DOCK4: variants seen among roughly 807,000 people sequenced by gnomAD.
DOCK4 encodes dedicator of cytokinesis protein 4.
A neutral mutation model predicts 268.1 loss-of-function variants in DOCK4; 97 were observed. That is an observed-to-expected ratio of 0.36 (90% CI 0.31 to 0.43). DOCK4 has a LOEUF of 0.43. Among genes scored for constraint, DOCK4 ranks in the 20% least tolerant of loss-of-function variants. DOCK4 has a pLI of 1.00. For missense variants in DOCK4, 2,145 were observed against 2,455.7 expected, an observed-to-expected ratio of 0.87 and a Z score of 2.67; for synonymous variants, 954 against 887.2, an observed-to-expected ratio of 1.08 and a Z score of -1.34.
rs527799133 is a variant in DOCK4, at chr7:112,175,158, C to T, written c.37+30944G>A. Among the ~76,000 whole-genome samples the T allele has an allele frequency of 3.9e-5, 6 of 152,048 alleles. No homozygotes were observed. In the South Asian group the frequency reaches 1.2e-3, roughly 32 times the overall value. ...GATTACAGGTGTGAGTCACCGCGCCCAGCCCCGTCCCCTGGAACATTTTTA... is the reference window on the plus strand; with the variant it reads ...GATTACAGGTGTGAGTCACCGCGCCTAGCCCCGTCCCCTGGAACATTTTTA... On this transcript the variant is annotated intron_variant, in intron 1 of 52. Coordinates refer to ENST00000428084, the MANE Select transcript of DOCK4 (RefSeq NM_001363540.2).
chr7:111,980,035 A>G (rs2135144972), intron 7 of DOCK4, among the ~76,000 whole-genome samples: 1 of 152,332 alleles, frequency 6.6e-6, no homozygotes, highest in African/African-American at 2.4e-5. Flanking sequence ...AGAATCACTG[A>G]TCAGGATCAT....
chr7:111,741,068 A>C, intron 47 of DOCK4, 26 bp downstream of exon 47: 1 of 1,613,086 alleles, frequency 6.2e-7, no homozygotes, highest in Non-Finnish European at 8.5e-7. Context: ...GAATAAACAC[A>C]ACCAGACAAA....
rs75204042 is a variant in DOCK4 at position 112,049,913 on chromosome 7, C to A, written c.38-45782G>T. ...TATTTGGAGACTTGGTGACTTAAAT[C>A]TGAATATTAGCTTCACCACTACTGA... On this transcript the variant is annotated intron_variant, in intron 1 of 52. Transcript: ENST00000428084. 5.1e-4 allele frequency among the ~76,000 whole-genome samples: 78 copies of A among 152,254 alleles called. No homozygotes were observed. In the East Asian group the frequency reaches 0.014, roughly 27 times the overall value.
At chr7:111,942,132 G>A (rs1010180296) in intron 10 of DOCK4, among the ~76,000 whole-genome samples, 2 of 152,138 alleles carry the variant, frequency 1.3e-5, no homozygotes, top group East Asian at 1.9e-4. Context: ...GGAAGGTAGT[G>A]GGAGTGGGGG....
intron 1 of DOCK4, among the ~76,000 whole-genome samples, chr7:112,161,439 CTAA>C (rs1253816102): frequency 1.3e-5 from 2 of 152,160 alleles, no homozygotes; most frequent in African/African-American, 2.4e-5. Flanking sequence ...CATGGAAAAC[CTAA>C]TAGAAAGCTA....
chr7:111,956,137 T>C (rs1029617548), intron 8 of DOCK4, among the ~76,000 whole-genome samples: 6 of 152,158 alleles, frequency 3.9e-5, no homozygotes, highest in African/African-American at 1.4e-4. Context: ...TTGTAAACAC[T>C]GTATCTTTGA....
intron 17 of DOCK4, among the ~76,000 whole-genome samples, chr7:111,874,782 C>T (rs956595891): frequency 2.0e-5 from 3 of 152,214 alleles, no homozygotes; most frequent in African/African-American, 7.2e-5. Context: ...TTCTGGCAGT[C>T]ACAGGTGCCC....
rs915760171 is a variant in DOCK4 at position 112,119,910 on chromosome 7, C to G, written c.37+86192G>C. Among the ~76,000 whole-genome samples the G allele has an allele frequency of 7.9e-5, 12 of 151,162 alleles. No individual in the cohort carries two copies. The East Asian group carries it at 1.8e-3, about 22-fold the overall frequency. On this transcript the variant is annotated intron_variant, in intron 1 of 52. Transcript: ENST00000428084. ...TCACCCAGGCTGGAGTGCAGTGGCG[C>G]GATCTCGGCTCACTGCAACCTTCGC... is the stretch of plus-strand genomic sequence containing the variant.
Position 111,782,741 on chromosome 7 carries a change from A to G in DOCK4, c.3585+123T>C, listed in dbSNP as rs1798866113. 3.7e-6 allele frequency: 4 copies of G among 1,068,226 alleles called. No homozygotes were observed. In the East Asian group the frequency reaches 9.6e-5, roughly 26 times the overall value. The allele number at this position is 1,068,226 out of a possible 1,614,324, so 66.2% of individuals were successfully genotyped here. A position where few individuals can be genotyped will look rare whatever the true frequency, so the allele number is the denominator to read the frequency against. On this transcript the variant is annotated intron_variant, in intron 35 of 52. Coordinates refer to ENST00000428084, the MANE Select transcript of DOCK4 (RefSeq NM_001363540.2). ...ATGCTTCTCTTAAAAACACTTGTAA[A>G]TTTAAAAATAACTCTTCTAAGAAAC...
At position 111,791,097 on chromosome 7, in the gene DOCK4, T is replaced by TATAA. The variant is rs1554593950; in HGVS notation, c.3167-496_3167-493dup. ...ATATATATATATATATATATATATATATAAAATAAATCATCAGGAATTGGT... is the reference window on the plus strand; with the variant it reads ...ATATATATATATATATATATATATATATAAATAAAATAAATCATCAGGAATTGGT... On this transcript the variant is annotated intron_variant, in intron 30 of 52. Coordinates refer to ENST00000428084, the MANE Select transcript of DOCK4 (RefSeq NM_001363540.2). 1.2e-4 allele frequency among the ~76,000 whole-genome samples: 17 copies of TATAA among 141,350 alleles called. No homozygotes were observed. The East Asian group carries it at 1.8e-3, about 15-fold the overall frequency. The allele number at this position is 141,350 out of a possible 152,430, so 92.7% of individuals were successfully genotyped here.
At position 111,997,041 on chromosome 7, in the gene DOCK4, A is replaced by C. The variant is rs911778243; in HGVS notation, c.218+1407T>G. The stretch of plus-strand genomic sequence containing the variant: ...GTTGCACAGGCTTGCTCAAAAGGAC[A>C]CTTTAAGAAACAGGGGTAGCCCATG... On this transcript the variant is annotated intron_variant, in intron 4 of 52. Transcript: ENST00000428084. Among the ~76,000 whole-genome samples, 4 of 152,226 alleles carry C rather than the reference A, an allele frequency of 2.6e-5. No individual in the cohort carries two copies. The South Asian group carries it at 8.3e-4, about 32-fold the overall frequency.
At chr7:112,039,785 A>C (rs1296719042) in intron 1 of DOCK4, among the ~76,000 whole-genome samples, 1 of 152,138 alleles carries the variant, frequency 6.6e-6, no homozygotes, top group East Asian at 1.9e-4. Context: ...CCACGTCTTT[A>C]TTTCCCATGT....
At chr7:112,125,940 C>G (rs1304833527) in intron 1 of DOCK4, among the ~76,000 whole-genome samples, 1 of 152,064 alleles carries the variant, frequency 6.6e-6, no homozygotes, top group Non-Finnish European at 1.5e-5. Flanking sequence ...TCCCAAGTGG[C>G]TGGGACTATA....
chr7:111,731,458 A>G (rs1795077683), intron 52 of DOCK4, among the ~76,000 whole-genome samples: 1 of 152,116 alleles, frequency 6.6e-6, no homozygotes, highest in Non-Finnish European at 1.5e-5. Context: ...CTTTCGACAC[A>G]CTTCATATTT....
At chr7:111,813,421 T>C (rs1801289937) in intron 27 of DOCK4, among the ~76,000 whole-genome samples, 1 of 152,192 alleles carries the variant, frequency 6.6e-6, no homozygotes, top group Non-Finnish European at 1.5e-5. Context: ...ATAGCTTTCT[T>C]GTGGGGTAGG....
At chr7:112,117,555 G>A (rs1167114381) in intron 1 of DOCK4, among the ~76,000 whole-genome samples, 4 of 152,102 alleles carry the variant, frequency 2.6e-5, no homozygotes. Context: ...ATTTTTAGTA[G>A]AGACAGGGTT....
At chr7:111,828,441 A>G (rs1802564222) in intron 26 of DOCK4, among the ~76,000 whole-genome samples, 1 of 152,214 alleles carries the variant, frequency 6.6e-6, no homozygotes, top group Non-Finnish European at 1.5e-5. Flanking sequence ...AGAGCCACAT[A>G]CTTTTAAAAT....
At chr7:111,960,363 TA>T (rs554540895) in intron 8 of DOCK4, among the ~76,000 whole-genome samples, 255 of 132,368 alleles carry the variant, frequency 1.9e-3, no homozygotes, top group Admixed American at 2.9e-3. Context: ...GGCTCTGTCT[TA>T]AAAAAAAAAA....
At position 111,728,057 on chromosome 7, in the gene DOCK4, C is replaced by T. The variant is rs901030632; in HGVS notation, c.*217G>A. 5 of 407,584 alleles carry T rather than the reference C, an allele frequency of 1.2e-5. No homozygotes were observed. Among genetic ancestry groups the T allele is most frequent in the Non-Finnish European group, 2.1e-5 (5 of 234,576 alleles). 25.2% of individuals were successfully genotyped at this position (407,584 alleles called of 1,614,324 possible). On this transcript the variant is annotated 3_prime_UTR_variant, in exon 53 of 53. Coordinates refer to ENST00000428084, the MANE Select transcript of DOCK4 (RefSeq NM_001363540.2). ...CTATTTACCACTTCCAAATGAGAAA[C>T]GTTTTAATGAAATTCAGCCATACTT...
Sources: gnomAD v4.1 joint callset for allele counts (sites outside exome capture counted in the v4.1 genomes callset) on GRCh38, gnomAD v4.1.1 for gene constraint, MANE v1.5 for transcripts, NCBI Gene and HGNC (gene_info 2026-07-23, HGNC 2026-07-21) for gene names.